WDR64: variants seen among roughly 807,000 people sequenced by gnomAD.
WDR64 encodes WD repeat-containing protein 64.
In WDR64, 112 loss-of-function variants were observed where a neutral mutation model predicts 139.3. The ratio of observed to expected loss-of-function variants is 0.80; its 90% CI spans 0.69 to 0.94. The LOEUF is 0.94. Ranked by LOEUF, WDR64 falls within the 40% of genes least tolerant of loss-of-function variation. WDR64 has a pLI of 0.00. For synonymous variants in WDR64, 444 were observed against 437.7 expected, an observed-to-expected ratio of 1.01 and a Z score of -0.18; for missense variants, 1,206 against 1,293.1, an observed-to-expected ratio of 0.93 and a Z score of 1.03.
chr1:241,802,164 G>T lies in WDR64; in HGVS notation c.*949G>T. ...AAAAAGCCTAGTTTCCACAACAGAAGAATGACTAAACAAACTATGGTAGGG... is the reference window on the plus strand; with the variant it reads ...AAAAAGCCTAGTTTCCACAACAGAATAATGACTAAACAAACTATGGTAGGG... On this transcript the variant is annotated 3_prime_UTR_variant, in exon 28 of 28. Transcript: ENST00000437684. 2.5e-6 allele frequency: 1 copy of T among 397,544 alleles called. No homozygotes were observed. Among genetic ancestry groups the T allele is most frequent in the Non-Finnish European group, 4.4e-6 (1 of 225,790 alleles). The allele number at this position is 397,544 out of a possible 1,614,324, so 24.6% of individuals were successfully genotyped here.
At chr1:241,738,847 G>A (rs144818490) in intron 11 of WDR64, among the ~76,000 whole-genome samples, 1,684 of 152,310 alleles carry the variant, frequency 0.011, 30 homozygotes, top group African/African-American at 0.039. Flanking sequence ...TTGGACCTAG[G>A]AAGAAATGCC....
intron 15 of WDR64, among the ~76,000 whole-genome samples, chr1:241,762,096 A>G (rs1657935771): frequency 6.6e-6 from 1 of 152,204 alleles, no homozygotes; most frequent in Non-Finnish European, 1.5e-5. Context: ...GAGCAACCAG[A>G]TTTATCATAG....
intron 8 of WDR64, among the ~76,000 whole-genome samples, chr1:241,688,993 C>T (rs1160337510): frequency 6.6e-6 from 1 of 152,108 alleles, no homozygotes; most frequent in Non-Finnish European, 1.5e-5. Context: ...ACTATGTTAT[C>T]AGAGTCTAAG....
At chr1:241,676,886 A>G (rs575417329) in intron 4 of WDR64, among the ~76,000 whole-genome samples, 2 of 152,164 alleles carry the variant, frequency 1.3e-5, no homozygotes, top group Middle Eastern at 6.8e-3. Flanking sequence ...CCAGCCCAAA[A>G]TTAATTATTT....
chr1:241,780,695 A>G (rs975958959), intron 22 of WDR64, among the ~76,000 whole-genome samples: 1 of 152,154 alleles, frequency 6.6e-6, no homozygotes, highest in African/African-American at 2.4e-5. Flanking sequence ...ATTGTTTCAA[A>G]TATTGTTTCA....
intron 2 of WDR64, among the ~76,000 whole-genome samples, chr1:241,667,333 G>A (rs1573989817): frequency 6.6e-6 from 1 of 152,170 alleles, no homozygotes; most frequent in African/African-American, 2.4e-5. Context: ...GTACCAAGTT[G>A]TGTTTATAAA....
At chr1:241,716,128 T>C (rs114531066) in intron 9 of WDR64, among the ~76,000 whole-genome samples, 1,880 of 152,234 alleles carry the variant, frequency 0.012, 16 homozygotes, top group Non-Finnish European at 0.02. Flanking sequence ...AGAGTACTCT[T>C]GTTGATTAGT....
intron 14 of WDR64, among the ~76,000 whole-genome samples, chr1:241,751,568 A>G (rs1669983441): frequency 6.6e-6 from 1 of 152,258 alleles, no homozygotes; most frequent in Admixed American, 6.5e-5. Flanking sequence ...TCGCTGATGC[A>G]TTATGAGCTG....
At chr1:241,783,444 A>G in intron 23 of WDR64, 63 bp downstream of exon 23, 1 of 1,277,842 alleles carries the variant, frequency 7.8e-7, no homozygotes, top group Non-Finnish European at 1.1e-6. Flanking sequence ...AAAGGATTTT[A>G]AGCTAAAGTT....
intron 27 of WDR64, among the ~76,000 whole-genome samples, chr1:241,799,224 T>A (rs145912582): frequency 0.32 from 12,696 of 39,190 alleles, 941 homozygotes; most frequent in African/African-American, 0.36. Context: ...AAAAAAAAAA[T>A]ACAAAAATTA....
chr1:241,709,073 C>CTGCT (rs1318643734), intron 8 of WDR64, among the ~76,000 whole-genome samples: 1 of 152,164 alleles, frequency 6.6e-6, no homozygotes, highest in East Asian at 1.9e-4. Flanking sequence ...AATGCCTGAA[C>CTGCT]TGCTGAGTAT....
At chr1:241,690,371 T>C (rs1240642980) in intron 8 of WDR64, among the ~76,000 whole-genome samples, 2 of 151,770 alleles carry the variant, frequency 1.3e-5, no homozygotes, top group Non-Finnish European at 1.5e-5. Context: ...CTCAGGAGGC[T>C]GAGGCAGGAG....
At chr1:241,794,504 G>C (rs11578932) in intron 25 of WDR64, among the ~76,000 whole-genome samples, 4 of 81,454 alleles carry the variant, frequency 4.9e-5, no homozygotes, top group South Asian at 4.6e-4. Context: ...AAGCTTTACT[G>C]TTTTTTTTTT....
chr1:241,755,052 G>C (rs1157692195), intron 14 of WDR64, among the ~76,000 whole-genome samples: 7 of 152,164 alleles, frequency 4.6e-5, no homozygotes, highest in African/African-American at 1.7e-4. Flanking sequence ...TGTCTTTATG[G>C]TAGAATGATT....
At chr1:241,779,621 T>A (rs1021085476) in intron 21 of WDR64, among the ~76,000 whole-genome samples, 3 of 152,024 alleles carry the variant, frequency 2.0e-5, no homozygotes, top group Non-Finnish European at 2.9e-5. Flanking sequence ...AGGTCAGGAG[T>A]TCAAGACCAG....
At chr1:241,769,920 A>G (rs1431107619) in intron 17 of WDR64, among the ~76,000 whole-genome samples, 1 of 152,236 alleles carries the variant, frequency 6.6e-6, no homozygotes, top group Admixed American at 6.5e-5. Context: ...ACCATCCACT[A>G]TAACTGAGCA....
chr1:241,666,838 C>G (rs562684613), intron 2 of WDR64, among the ~76,000 whole-genome samples: 1 of 152,322 alleles, frequency 6.6e-6, no homozygotes, highest in South Asian at 2.1e-4. Context: ...GGGATTATTA[C>G]TGATTATCCT....
chr1:241,683,164 G>C (rs1666876006), intron 6 of WDR64, among the ~76,000 whole-genome samples: 1 of 152,026 alleles, frequency 6.6e-6, no homozygotes. Flanking sequence ...CCTGAACCTT[G>C]TTATGCTTAC....
chr1:241,717,195 G>A (rs1381897100), intron 9 of WDR64, among the ~76,000 whole-genome samples: 2 of 152,136 alleles, frequency 1.3e-5, no homozygotes, highest in African/African-American at 4.8e-5. Flanking sequence ...CTGAATATCT[G>A]GTGAGTTTCT....
Sources: gnomAD v4.1 joint callset for allele counts (sites outside exome capture counted in the v4.1 genomes callset) on GRCh38, gnomAD v4.1.1 for gene constraint, MANE v1.5 for transcripts, NCBI Gene and HGNC (gene_info 2026-07-23, HGNC 2026-07-21) for gene names.